GABRG1: variants seen among roughly 807,000 people sequenced by gnomAD.
GABRG1 encodes gamma-aminobutyric acid type A receptor subunit gamma1.
GABRG1 carries 49 observed loss-of-function variants against 49.8 expected under a neutral mutation model. The observed-to-expected ratio is 0.98, with a 90% CI of 0.78 to 1.25. The LOEUF (loss-of-function observed/expected upper bound fraction) is 1.25, where lower values mean the gene tolerates loss of function less well. GABRG1 is among the 50% of genes most tolerant of loss of function. The probability of loss-of-function intolerance (pLI) is 0.00; values close to 1 mark genes in which losing one functional copy is unlikely to be tolerated. For missense variants in GABRG1, 552 were observed against 552.3 expected (o/e 1.00, Z 0.01); for synonymous variants, 232 against 185.1 (o/e 1.25, Z -2.06).
intron 8 of GABRG1, among the ~76,000 whole-genome samples, chr4:46,047,740 A>G (rs1718058453): frequency 6.6e-6 from 1 of 151,982 alleles, no homozygotes; most frequent in African/African-American, 2.4e-5. Flanking sequence ...AAGCATGAGA[A>G]ATTATTCATC....
At chr4:46,095,866 T>C (rs549813040) in intron 2 of GABRG1, among the ~76,000 whole-genome samples, 1 of 151,966 alleles carries the variant, frequency 6.6e-6, no homozygotes, top group Non-Finnish European at 1.5e-5. Context: ...TGAAGGTTTG[T>C]TACGTAAGTG....
intron 2 of GABRG1, among the ~76,000 whole-genome samples, chr4:46,091,993 T>C (rs1393382348): frequency 3.3e-5 from 5 of 151,962 alleles, no homozygotes; most frequent in Non-Finnish European, 7.4e-5. Flanking sequence ...TCAACAGAAA[T>C]AGTAAAAGTC....
At chr4:46,105,655 T>C (rs1720508630) in intron 1 of GABRG1, among the ~76,000 whole-genome samples, 2 of 151,460 alleles carry the variant, frequency 1.3e-5, no homozygotes, top group Non-Finnish European at 3.0e-5. Flanking sequence ...CCATAATTAA[T>C]TTGAATGTCC....
Position 46,036,941 on chromosome 4 carries a change from C to A in GABRG1, c.*4047G>T, listed in dbSNP as rs1168589386. ...TTGTCTCTATATGAATCTTAACTTC[C>A]AATTAATATGGAATTTTCATTTGTG... On this transcript the variant is annotated 3_prime_UTR_variant, in exon 9 of 9. Transcript: ENST00000295452. 6.6e-6 allele frequency: 1 copy of A among 151,488 alleles called. No individual in the cohort carries two copies. The highest frequency in any genetic ancestry group is 1.5e-5 in the Non-Finnish European group (1 of 67,750). The allele number at this position is 151,488 out of a possible 1,614,324, so 9.4% of individuals were successfully genotyped here. A position where few individuals can be genotyped will look rare whatever the true frequency, so the allele number is the denominator to read the frequency against.
intron 1 of GABRG1, among the ~76,000 whole-genome samples, chr4:46,117,612 C>CTCTCTA (rs1553884390): frequency 7.1e-6 from 1 of 140,144 alleles, no homozygotes; most frequent in African/African-American, 2.6e-5. Flanking sequence ...CTCTCTCTCT[C>CTCTCTA]TATATATATA....
chr4:46,092,729 C>A (rs935544072), intron 2 of GABRG1, among the ~76,000 whole-genome samples: 13 of 151,636 alleles, frequency 8.6e-5, no homozygotes, highest in African/African-American at 2.9e-4. Context: ...ATGAAGGACA[C>A]AAAAATACTG....
At chr4:46,097,093 C>T (rs1006450151) in intron 2 of GABRG1, 108 bp downstream of exon 2, 1 of 942,782 alleles carries the variant, frequency 1.1e-6, no homozygotes, top group Non-Finnish European at 1.5e-6. Flanking sequence ...TCAGCAGATT[C>T]TCTGACATAC....
chr4:46,110,174 T>C (rs190306112), intron 1 of GABRG1, among the ~76,000 whole-genome samples: 1 of 151,182 alleles, frequency 6.6e-6, no homozygotes, highest in East Asian at 2.0e-4. Context: ...TCTAGATGTA[T>C]ATCTTTAAAT....
intron 3 of GABRG1, among the ~76,000 whole-genome samples, chr4:46,075,217 T>C (rs1471733669): frequency 6.6e-6 from 1 of 152,042 alleles, no homozygotes; most frequent in Non-Finnish European, 1.5e-5. Flanking sequence ...ACCTAATCCC[T>C]ACTAAATTTA....
At chr4:46,123,366 G>C (rs186720277) in intron 1 of GABRG1, among the ~76,000 whole-genome samples, 17 of 152,180 alleles carry the variant, frequency 1.1e-4, no homozygotes, top group African/African-American at 4.1e-4. Flanking sequence ...GAGGAAAGGG[G>C]AAAAGCAATA....
intron 8 of GABRG1, among the ~76,000 whole-genome samples, chr4:46,045,086 G>T (rs1408234860): frequency 6.6e-6 from 1 of 152,026 alleles, no homozygotes; most frequent in Admixed American, 6.6e-5. Flanking sequence ...TCATGAAGAA[G>T]TTTTGAGGTA....
chr4:46,081,410 T>G (rs62306773), intron 3 of GABRG1, among the ~76,000 whole-genome samples: 1 of 151,848 alleles, frequency 6.6e-6, no homozygotes. Flanking sequence ...ACTTATGGCA[T>G]GGCTAGAATG....
Position 46,038,483 on chromosome 4 carries a change from G to A in GABRG1, c.*2505C>T, listed in dbSNP as rs1002570099. 6.6e-5 allele frequency: 10 copies of A among 151,306 alleles called. No homozygotes were observed. Among genetic ancestry groups the A allele is most frequent in the African/African-American group, 2.2e-4 (9 of 41,288 alleles). 9.4% of individuals were successfully genotyped at this position (151,306 alleles called of 1,614,324 possible). ...TATGTTAGCATTAAAAACATTGAAA[G>A]CATCCAGGAAAATCAAGTTCCAATA... On this transcript the variant is annotated 3_prime_UTR_variant, in exon 9 of 9. Transcript: ENST00000295452.
intron 7 of GABRG1, among the ~76,000 whole-genome samples, chr4:46,057,935 T>G (rs570800284): frequency 6.6e-6 from 1 of 152,134 alleles, no homozygotes; most frequent in Non-Finnish European, 1.5e-5. Flanking sequence ...TACGTATGAT[T>G]TTCATGTATT....
intron 8 of GABRG1, among the ~76,000 whole-genome samples, chr4:46,050,836 A>G (rs143568441): frequency 1.6e-3 from 240 of 151,954 alleles, no homozygotes; most frequent in African/African-American, 5.6e-3. Flanking sequence ...TGTGTTAGAT[A>G]TTACTTTCAG....
chr4:46,106,619 G>A (rs74381708), intron 1 of GABRG1, among the ~76,000 whole-genome samples: 3,074 of 151,440 alleles, frequency 0.02, 104 homozygotes, highest in African/African-American at 0.069. Flanking sequence ...GTTCTACTCT[G>A]CTCAACTGAA....
chr4:46,088,789 G>A (rs956210387), intron 2 of GABRG1, among the ~76,000 whole-genome samples: 2 of 143,122 alleles, frequency 1.4e-5, no homozygotes. Context: ...TATTTAAATG[G>A]CATGTGTGTG....
In GABRG1 at chr4:46,058,605, C is replaced by A; in HGVS notation, c.643G>T (p.Glu215Ter). Reference sequence around the variant, plus strand: ...GGCTTTTTCCACTTATACTCAATTTCATTTTTAGGGTATCCATCTATAGAG... The same window carrying A: ...GGCTTTTTCCACTTATACTCAATTTAATTTTTAGGGTATCCATCTATAGAG... ...EFSSYGYPKN[E>*]IEYKWKKPSV... Residue 215 changes from glutamate to a stop codon, truncating the protein, a stop_gained, in exon 6 of 9, where the codon GAA becomes TAA. Transcript: ENST00000295452. LOFTEE classifies it high-confidence loss of function. 6.2e-7 allele frequency: 1 copy of A among 1,612,158 alleles called. No individual in the cohort carries two copies. Among genetic ancestry groups the A allele is most frequent in the Non-Finnish European group, 8.5e-7 (1 of 1,178,908 alleles).
chr4:46,088,692 G>A (rs113113365), intron 2 of GABRG1, among the ~76,000 whole-genome samples: 8 of 150,786 alleles, frequency 5.3e-5, no homozygotes, highest in African/African-American at 1.2e-4. Context: ...ATTACTTTTC[G>A]CACCTTACAA....
Sources: gnomAD v4.1 joint callset for allele counts (sites outside exome capture counted in the v4.1 genomes callset) on GRCh38, gnomAD v4.1.1 for gene constraint, MANE v1.5 for transcripts, NCBI Gene and HGNC (gene_info 2026-07-23, HGNC 2026-07-21) for gene names.